Variants in CIBAR2 observed in about 807,000 individuals in gnomAD.
CIBAR2 encodes the protein CBY1 interacting BAR domain containing 2.
In CIBAR2, 38 loss-of-function variants were observed where a neutral mutation model predicts 36.2. That is an observed-to-expected ratio of 1.05 (90% CI 0.81 to 1.38). The LOEUF (loss-of-function observed/expected upper bound fraction) is 1.38. Ranked by LOEUF, CIBAR2 falls within the 40% of genes most tolerant of loss-of-function variation. The pLI is 0.00. For missense variants in CIBAR2, 481 were observed against 383.4 expected (o/e 1.25, Z -2.13); for synonymous variants, 182 against 149.5 (o/e 1.22, Z -1.58).
intron 7 of CIBAR2, among the ~76,000 whole-genome samples, chr16:85,101,158 C>T (rs1264043715): frequency 4.6e-5 from 7 of 152,214 alleles, no homozygotes; most frequent in Non-Finnish European, 4.4e-5. Flanking sequence ...CGAGGAAGAC[C>T]CAGGGATGGC....
chr16:85,099,307 G>T lies in CIBAR2; in HGVS notation c.793C>A (p.Pro265Thr). 1 of 1,611,036 alleles carries T rather than the reference G, an allele frequency of 6.2e-7. No individual in the cohort carries two copies. The highest frequency in any genetic ancestry group is 8.5e-7 in the Non-Finnish European group (1 of 1,177,248). The change falls in exon 9 of 9, where the codon CCT (proline) becomes ACT (threonine). Residue 265 changes from proline (P) to threonine (T), a missense_variant. Transcript: ENST00000539556. Reference protein sequence around the residue: ...QVQLSRANEDPEHPHANHGRF... With the variant: ...QVQLSRANEDTEHPHANHGRF... ...CCATGATTGGCATGAGGATGTTCAG[G>T]GTCTTCATTTGCCCTACTCAGCTGG...
chr16:85,107,842 A>G lies in CIBAR2; in HGVS notation c.426+4T>C, dbSNP rs1159495545. The G allele has an allele frequency of 6.2e-7, 1 of 1,610,890 alleles. No homozygotes were observed. Among genetic ancestry groups the G allele is most frequent in the Non-Finnish European group, 8.5e-7 (1 of 1,177,006 alleles). ...CCCCAGGCCCCACTTCCAGGGAAGG[A>G]TACGATCATTTGCTGATCCGAGGGT... On this transcript the variant is annotated splice_donor_region_variant and intron_variant, in intron 4 of 8. Transcript: ENST00000539556.
chr16:85,110,139 G>T, intron 2 of CIBAR2, 87 bp downstream of exon 2: 1 of 1,005,146 alleles, frequency 9.9e-7, no homozygotes, highest in Non-Finnish European at 1.5e-6. Context: ...TGTGGCCACA[G>T]CAGGGCTCCT....
intron 1 of CIBAR2, among the ~76,000 whole-genome samples, chr16:85,111,873 A>T (rs1318254611): frequency 6.6e-6 from 1 of 152,124 alleles, no homozygotes; most frequent in African/African-American, 2.4e-5. Flanking sequence ...ATAAAAACAC[A>T]TTGGTTGCTT....
At chr16:85,102,176 C>G in intron 7 of CIBAR2, 38 bp downstream of exon 7, 3 of 1,141,192 alleles carry the variant, frequency 2.6e-6, no homozygotes, top group Non-Finnish European at 3.9e-6. Context: ...AACTCTGCCC[C>G]ACTCCACCAT....
Position 85,099,341 on chromosome 16 carries a change from A to C in CIBAR2, c.759T>G (p.Thr253=), listed in dbSNP as rs2073935987. ...SVLQSLASQG[T]LQVQLSRANE... The stretch of plus-strand genomic sequence containing the variant: ...TTGCCCTACTCAGCTGGACCTGCAG[A>C]GTTCCCTGCAGAAATATAAATGCAC... Residue 253 remains threonine, a synonymous_variant, in exon 9 of 9, where the codon ACT becomes ACG. Coordinates refer to ENST00000539556, the MANE Select transcript of CIBAR2 (RefSeq NM_198491.3). The C allele has an allele frequency of 6.5e-7, 1 of 1,533,940 alleles. No individual in the cohort carries two copies. Among genetic ancestry groups the C allele is most frequent in the Non-Finnish European group, 9.0e-7 (1 of 1,106,962 alleles).
intron 6 of CIBAR2, among the ~76,000 whole-genome samples, chr16:85,104,245 G>A (rs904293703): frequency 3.3e-5 from 5 of 152,250 alleles, no homozygotes; most frequent in African/African-American, 4.8e-5. Flanking sequence ...AAGGCCTCGG[G>A]TAGGAATGGG....
At chr16:85,110,173 C>T (rs1029743567) in intron 2 of CIBAR2, 53 bp downstream of exon 2, 37 of 1,399,046 alleles carry the variant, frequency 2.6e-5, no homozygotes, top group Non-Finnish European at 3.4e-5. Context: ...CTGACCTTGG[C>T]ATTGGAGCCT....
Position 85,110,362 on chromosome 16 carries a change from G to C in CIBAR2, c.119C>G (p.Ala40Gly). The change falls in exon 2 of 9, where the codon GCC (alanine) becomes GGC (glycine). Residue 40 changes from alanine to glycine, a missense_variant. Ala to Gly is a moderately conservative substitution (Grantham distance 60). Coordinates refer to ENST00000539556, the MANE Select transcript of CIBAR2 (RefSeq NM_198491.3). ...SLLAAYTRKT[A>G]RLRDKADQLV... ...CTGGTCCGCCTTGTCCCGCAGCCGG[G>C]CCGTCTTGCGCGTGTAGGCGGCCAG... 1 of 1,613,456 alleles carries C rather than the reference G, an allele frequency of 6.2e-7. No homozygotes were observed. Among genetic ancestry groups the C allele is most frequent in the East Asian group, 2.2e-5 (1 of 44,870 alleles).
chr16:85,102,060 C>A (rs2073959591), intron 7 of CIBAR2, among the ~76,000 whole-genome samples, 154 bp downstream of exon 7: 1 of 152,196 alleles, frequency 6.6e-6, no homozygotes, highest in Non-Finnish European at 1.5e-5. Flanking sequence ...GGCACCCACC[C>A]AGGGGCAGAT....
chr16:85,102,089 G>C (rs1035187066), intron 7 of CIBAR2, 125 bp downstream of exon 7: 1 of 631,372 alleles, frequency 1.6e-6, no homozygotes, highest in Non-Finnish European at 2.9e-6. Context: ...CGCTTCATCA[G>C]CATGAGTCTT....
chr16:85,104,320 A>C (rs192747784), intron 6 of CIBAR2, among the ~76,000 whole-genome samples: 2,073 of 152,342 alleles, frequency 0.014, 22 homozygotes, highest in Non-Finnish European at 0.021. Context: ...CCAGGGCTTC[A>C]GGAGCCTGGA....
At chr16:85,105,567 G>T (rs8050910) in intron 5 of CIBAR2, 136 bp from the exon 6 acceptor site, 367,112 of 636,618 alleles carry the variant, frequency 0.58, 110,610 homozygotes, top group African/African-American at 0.87. Context: ...CTTGCTAATT[G>T]GGTCATCAAA....
Position 85,110,298 on chromosome 16 carries a change from G to C in CIBAR2, c.183C>G (p.Asn61Lys), listed in dbSNP as rs145597678. ...CCCTCATGGTGGCCCGCAGCTCGGG[G>C]TTCTCGGAGTTGGCAAAGTCGATGA... is the stretch of plus-strand genomic sequence containing the variant. ...KQLIDFANSE[N>K]PELRATMRGF... The change falls in exon 2 of 9, where the codon AAC becomes AAG. Residue 61 changes from asparagine (N) to lysine (K), a missense_variant. By Grantham distance (94) the Asn-to-Lys change is moderately conservative (BLOSUM62 0). Transcript: ENST00000539556. 1 of 1,611,478 alleles carries C rather than the reference G, an allele frequency of 6.2e-7. No individual in the cohort carries two copies. Among genetic ancestry groups the C allele is most frequent in the East Asian group, 2.2e-5 (1 of 44,816 alleles).
chr16:85,099,369 G>C, intron 8 of CIBAR2, 23 bp from the exon 9 acceptor site: 1 of 1,301,070 alleles, frequency 7.7e-7, no homozygotes, highest in Non-Finnish European at 1.1e-6. Context: ...AAATGCACCT[G>C]ATGGCAGGCC....
chr16:85,110,553 G>T (rs1210384092), intron 1 of CIBAR2, 93 bp from the exon 2 acceptor site: 2 of 943,326 alleles, frequency 2.1e-6, no homozygotes, highest in East Asian at 5.4e-5. Context: ...AACAGGAGCT[G>T]CCACCAGCCG....
chr16:85,112,247 C>T, intron 1 of CIBAR2, 86 bp downstream of exon 1: 2 of 1,283,052 alleles, frequency 1.6e-6, no homozygotes, highest in Non-Finnish European at 2.3e-6. Flanking sequence ...GCAGCAGGCC[C>T]TGCTGCCCTC....
rs765205736 is a variant in CIBAR2, at chr16:85,107,685, C to T, written c.427-13G>A. 3.7e-6 allele frequency: 6 copies of T among 1,614,050 alleles called. No homozygotes were observed. In the Admixed American group the frequency reaches 8.3e-5, roughly 22 times the overall value. ...CACTCACCTGGGACTGAAAAACGTGCTGTTAAGGAACCAAGTTAAGCCCAG... is the reference window on the plus strand; with the variant it reads ...CACTCACCTGGGACTGAAAAACGTGTTGTTAAGGAACCAAGTTAAGCCCAG... On this transcript the variant is annotated splice_polypyrimidine_tract_variant and intron_variant, in intron 4 of 8. Transcript: ENST00000539556.
At chr16:85,112,078 A>G (rs1298937927) in intron 1 of CIBAR2, among the ~76,000 whole-genome samples, 1 of 152,146 alleles carries the variant, frequency 6.6e-6, no homozygotes, top group East Asian at 1.9e-4. Flanking sequence ...AAGGGGATGA[A>G]TTTGACTCCT....
Sources: allele counts gnomAD v4.1 joint callset (sites outside exome capture counted in the v4.1 genomes callset), GRCh38; gene constraint gnomAD v4.1.1; transcripts MANE v1.5; gene names NCBI Gene and HGNC (gene_info 2026-07-23, HGNC 2026-07-21).